AHCTF1: variants seen among roughly 807,000 people sequenced by gnomAD.
AHCTF1 encodes protein ELYS.
Under a neutral mutation model 248.4 loss-of-function variants are expected in AHCTF1, and 24 were observed. The observed-to-expected ratio is 0.10, with a 90% CI of 0.07 to 0.14. The LOEUF is 0.14. AHCTF1 is among the 10% of genes least tolerant of loss of function. The pLI, the probability that AHCTF1 is intolerant of heterozygous loss-of-function variation, is 1.00. For missense variants in AHCTF1, 2,206 were observed against 2,636.2 expected (o/e 0.84, Z 3.57); for synonymous variants, 786 against 929.8 (o/e 0.85, Z 2.81).
chr1:246,881,685 A>T (rs1663422059), intron 21 of AHCTF1, among the ~76,000 whole-genome samples: 1 of 151,760 alleles, frequency 6.6e-6, no homozygotes, highest in Admixed American at 6.6e-5. Flanking sequence ...TAAAAATACA[A>T]AAATTAGGTG....
chr1:246,851,821 T>G (rs1660738446), intron 32 of AHCTF1: 2 of 175,088 alleles, frequency 1.1e-5, no homozygotes, highest in Admixed American at 1.1e-4. Context: ...AAACTGTGTT[T>G]TAATGGTATT....
At chr1:246,844,775 A>C (rs1311840038) in intron 33 of AHCTF1, among the ~76,000 whole-genome samples, 1 of 152,018 alleles carries the variant, frequency 6.6e-6, no homozygotes, top group Non-Finnish European at 1.5e-5. Flanking sequence ...TTGGTTTAAA[A>C]TAAGGAATTA....
At position 246,861,301 on chromosome 1, in the gene AHCTF1, A is replaced by C. The variant is rs1440776008; in HGVS notation, c.3736-6T>G. On this transcript the variant is annotated splice_polypyrimidine_tract_variant and splice_region_variant and intron_variant, in intron 28 of 35. Transcript: ENST00000648844. ...AATTTGCTATCATCTGCAGCCTGTA[A>C]AGTAAGATTTTGAAAAGAAAAAAAT... is the stretch of plus-strand genomic sequence containing the variant. 6.9e-6 allele frequency: 11 copies of C among 1,594,108 alleles called. No individual in the cohort carries two copies. The highest frequency in any genetic ancestry group is 9.4e-6 in the Non-Finnish European group (11 of 1,168,464).
At chr1:246,878,395 T>TAAAA (rs1663137250) in intron 21 of AHCTF1, among the ~76,000 whole-genome samples, 1 of 10,478 alleles carries the variant, frequency 9.5e-5, no homozygotes, top group Non-Finnish European at 1.6e-4. Flanking sequence ...AGATTCTGTC[T>TAAAA]CAAAAAAAAA....
At chr1:246,927,726 C>T (rs1431601353) in intron 1 of AHCTF1, among the ~76,000 whole-genome samples, 1 of 152,200 alleles carries the variant, frequency 6.6e-6, no homozygotes, top group African/African-American at 2.4e-5. Flanking sequence ...TGTTCATGGC[C>T]GGGCGCGGTA....
chr1:246,900,005 T>C (rs1664880961), intron 10 of AHCTF1, 60 bp downstream of exon 10: 3 of 1,466,686 alleles, frequency 2.0e-6, no homozygotes, highest in African/African-American at 1.4e-5. Context: ...ACACAACGTA[T>C]ACATTTACAT....
chr1:246,931,084 C>T (rs140851502), intron 1 of AHCTF1: 2 of 1,544,692 alleles, frequency 1.3e-6, no homozygotes, highest in African/African-American at 2.7e-5. Context: ...TGGAACCTCA[C>T]GGCTGAGCCC....
intron 1 of AHCTF1, among the ~76,000 whole-genome samples, chr1:246,928,771 C>T (rs530147836): frequency 3.3e-4 from 50 of 152,294 alleles, no homozygotes; most frequent in Non-Finnish European, 6.5e-4. Flanking sequence ...TTTCTATAAA[C>T]CACTTTGTAT....
At chr1:246,873,994 C>T in intron 24 of AHCTF1, among the ~76,000 whole-genome samples, 1 of 152,214 alleles carries the variant, frequency 6.6e-6, no homozygotes, top group East Asian at 1.9e-4. Flanking sequence ...CAGGGAGGTA[C>T]CCGCTTGCTG....
Position 246,861,039 on chromosome 1 carries a change from T to A in AHCTF1, c.3992A>T (p.Glu1331Val), listed in dbSNP as rs1363629605. 1 of 1,613,982 alleles carries A rather than the reference T, an allele frequency of 6.2e-7. No individual in the cohort carries two copies. Among genetic ancestry groups the A allele is most frequent in the Admixed American group, 1.7e-5 (1 of 60,018 alleles). ...CTTAGAGGCCGTGAAAACAGTCTCT[T>A]CAAGGTCTTCCGGTGACGGTGCATC... ...YQDAPSPEDL[E>V]ETVFTASKPK... The change falls in exon 29 of 36, where the codon GAA (glutamate) becomes GTA (valine). Residue 1331 changes from glutamate (E) to valine (V), a missense_variant. This residue lies in a region of AHCTF1 where 955 missense variants were observed against 1,055.6 expected (regional missense o/e 0.90). Coordinates refer to ENST00000648844, the MANE Select transcript of AHCTF1 (RefSeq NM_001323342.2).
intron 1 of AHCTF1, among the ~76,000 whole-genome samples, chr1:246,930,254 T>TC (rs1287038223): frequency 6.6e-6 from 1 of 151,942 alleles, no homozygotes; most frequent in Non-Finnish European, 1.5e-5. Context: ...GCTCAAACGT[T>TC]CCCCCCGCCT....
intron 5 of AHCTF1, 69 bp from the exon 6 acceptor site, chr1:246,905,726 G>A: frequency 7.8e-7 from 1 of 1,283,460 alleles, no homozygotes; most frequent in Non-Finnish European, 1.1e-6. Flanking sequence ...CATCATGTAA[G>A]AACTTGGGTT....
At chr1:246,913,086 T>C (rs1665919051) in intron 4 of AHCTF1, 146 bp downstream of exon 4, 4 of 707,066 alleles carry the variant, frequency 5.7e-6, no homozygotes, top group East Asian at 2.9e-5. Context: ...ATAAAAAAGA[T>C]TTTAAAATAC....
rs890142136 is a variant in AHCTF1, at chr1:246,843,870, C to T, written c.6450G>A (p.Gln2150=). ...TTAAAGCAGGAGGTGAGATGACAAA[C>T]TGAGAAGATAAATCCGAAACTAATT... ...LKELVSDLSS[Q]FVISPPALRS... Residue 2150 remains glutamine, a synonymous_variant, in exon 34 of 36, where the codon CAG becomes CAA. Transcript: ENST00000648844. 1 of 1,506,600 alleles carries T rather than the reference C, an allele frequency of 6.6e-7. No homozygotes were observed. The highest frequency in any genetic ancestry group is 8.9e-7 in the Non-Finnish European group (1 of 1,128,878). 93.3% of individuals were successfully genotyped at this position (1,506,600 alleles called of 1,614,324 possible).
In AHCTF1 at chr1:246,894,645, CCT is replaced by C. The variant is rs768496471; in HGVS notation, c.1804+12_1804+13del. 2.5e-6 allele frequency: 4 copies of C among 1,595,828 alleles called. No individual in the cohort carries two copies. The highest frequency in any genetic ancestry group is 3.4e-6 in the Non-Finnish European group (4 of 1,165,200). ...TATTAAATTCTGTCCTACATCTAGA[CCT>C]CTAATACTTACATAGTCTGTCAAAT... On this transcript the variant is annotated intron_variant, in intron 14 of 35. Transcript: ENST00000648844.
intron 35 of AHCTF1, among the ~76,000 whole-genome samples, chr1:246,842,202 C>A (rs991838611): frequency 1.3e-5 from 2 of 151,986 alleles, no homozygotes; most frequent in Non-Finnish European, 2.9e-5. Context: ...TGTAAATGCC[C>A]GATAATCTTT....
At chr1:246,919,706 A>G (rs2103233120) in intron 1 of AHCTF1, among the ~76,000 whole-genome samples, 1 of 151,486 alleles carries the variant, frequency 6.6e-6, no homozygotes, top group East Asian at 2.0e-4. Flanking sequence ...TCCATCTCAA[A>G]AAAAAAAAAA....
intron 14 of AHCTF1, among the ~76,000 whole-genome samples, chr1:246,893,776 C>T (rs375643011): frequency 1.3e-5 from 2 of 152,180 alleles, no homozygotes; most frequent in African/African-American, 2.4e-5. Flanking sequence ...TAGCACATTC[C>T]GCTTACTCCA....
rs762057201 is a variant in AHCTF1 at position 246,851,458 on chromosome 1, A to AT, written c.4564-17dup. 2.5e-6 allele frequency: 4 copies of AT among 1,578,542 alleles called. No individual in the cohort carries two copies. In the Admixed American group the frequency reaches 7.6e-5, roughly 30 times the overall value. On this transcript the variant is annotated splice_polypyrimidine_tract_variant and intron_variant, in intron 32 of 35. Coordinates refer to ENST00000648844, the MANE Select transcript of AHCTF1 (RefSeq NM_001323342.2). ...GTTCAATCACCTAAATGAATTAAAG[A>AT]TAAGAGACTGGTTAAAGAATTTTAA...
Sources: gnomAD v4.1 joint callset for allele counts (sites outside exome capture counted in the v4.1 genomes callset) on GRCh38, gnomAD v4.1.1 for gene constraint, gnomAD v4.1.1 regional missense constraint, MANE v1.5 for transcripts, NCBI Gene and HGNC (gene_info 2026-07-23, HGNC 2026-07-21) for gene names.